PPP1R15A: variants seen among roughly 807,000 people sequenced by gnomAD.
The protein encoded by PPP1R15A is protein phosphatase 1 regulatory subunit 15A.
A neutral mutation model predicts 48.5 loss-of-function variants in PPP1R15A; 43 were observed. The observed-to-expected ratio is 0.89, with a 90% CI of 0.69 to 1.14. The LOEUF (loss-of-function observed/expected upper bound fraction) is 1.14, where lower values mean the gene tolerates loss of function less well. PPP1R15A is among the 50% of genes most tolerant of loss of function. PPP1R15A has a pLI of 0.00. For synonymous variants in PPP1R15A, 327 were observed against 327.4 expected (o/e 1.00, Z 0.01); for missense variants, 868 against 847.2 (o/e 1.02, Z -0.30).
Position 48,874,058 on chromosome 19 carries a change from A to G in PPP1R15A, c.825A>G (p.Ala275=), listed in dbSNP as rs187493181. The change falls in exon 2 of 3, where the codon GCA becomes GCG. Residue 275 remains alanine (A), a synonymous_variant. Coordinates refer to ENST00000200453, the MANE Select transcript of PPP1R15A (RefSeq NM_014330.5). ...GEASEEKEEK[A]HKETGKGEAA... ...CGTCCGAGGAGAAGGAGGAAAAGGC[A>G]CACAAAGAAACTGGGAAAGGAGAAG... 2 of 1,614,202 alleles carry G rather than the reference A, an allele frequency of 1.2e-6. No individual in the cohort carries two copies. The highest frequency in any genetic ancestry group is 4.5e-5 in the East Asian group (2 of 44,884).
chr19:48,875,594 G>A lies in PPP1R15A; in HGVS notation c.1666-20G>A, dbSNP rs1187193404. On this transcript the variant is annotated intron_variant, in intron 2 of 2. Coordinates refer to ENST00000200453, the MANE Select transcript of PPP1R15A (RefSeq NM_014330.5). ...GTGGCTGTGTGCATCTCCTGCCTGT[G>A]TCCCCATGTCTGCCCGCAGGTGCGC... The A allele has an allele frequency of 1.3e-6, 2 of 1,569,684 alleles. No individual in the cohort carries two copies. The highest frequency in any genetic ancestry group is 1.1e-5 in the South Asian group (1 of 87,836).
At position 48,873,840 on chromosome 19, in the gene PPP1R15A, G is replaced by A. The variant is rs769644424; in HGVS notation, c.607G>A (p.Ala203Thr). 1.9e-6 allele frequency: 3 copies of A among 1,614,170 alleles called. No individual in the cohort carries two copies. The change falls in exon 2 of 3, where the codon GCT becomes ACT. Residue 203 changes from alanine (A) to threonine (T), a missense_variant. Transcript: ENST00000200453. ...CGATGAAGAAGCTGTAAAGAAAGAA[G>A]CTCACAGAACCTCTACTTCTGCCTT... Reference protein sequence around the residue: ...EDDEEAVKKEAHRTSTSALSP... With the variant: ...EDDEEAVKKETHRTSTSALSP...
chr19:48,873,648 C>T lies in PPP1R15A; in HGVS notation c.415C>T (p.Arg139Cys), dbSNP rs137978264. The T allele has an allele frequency of 4.6e-4, 747 of 1,614,098 alleles. 2 individuals are homozygous for T. Among genetic ancestry groups the T allele is most frequent in the Middle Eastern group, 1.8e-3 (11 of 6,062 alleles). Reference protein sequence around the residue: ...GQGSQFADGQRAPLSPSLLIR... With the variant: ...GQGSQFADGQCAPLSPSLLIR... The stretch of plus-strand genomic sequence containing the variant: ...GGGAAGTCAATTTGCAGATGGCCAG[C>T]GTGCTCCCCTGTCTCCCAGCCTTCT... Residue 139 changes from arginine to cysteine, a missense_variant, in exon 2 of 3, where the codon CGT (arginine) becomes TGT (cysteine). By Grantham distance (180) the Arg-to-Cys change is radical. Transcript: ENST00000200453.
At chr19:48,875,407 G>A in intron 2 of PPP1R15A, 1 of 701,718 alleles carries the variant, frequency 1.4e-6, no homozygotes. Context: ...GTGGCTCACA[G>A]CAGCCCCAGG....
At position 48,873,400 on chromosome 19, in the gene PPP1R15A, T is replaced by C; in HGVS notation, c.167T>C (p.Val56Ala). 6.2e-7 allele frequency: 1 copy of C among 1,613,728 alleles called. No homozygotes were observed. ...LVEAVKGAAL[V>A]EAGLEGEART... is the part of the protein sequence containing the mutation. ...GAAGCAGTAAAAGGAGCAGCTCTGG[T>C]AGAAGCTGGCCTGGAGGGAGAAGCT... Residue 56 changes from valine to alanine, a missense_variant, in exon 2 of 3, where the codon GTA (valine) becomes GCA (alanine). Coordinates refer to ENST00000200453, the MANE Select transcript of PPP1R15A (RefSeq NM_014330.5).
rs1232132304 is a variant in PPP1R15A at position 48,873,281 on chromosome 19, C to T, written c.48C>T (p.Ala16=). 6.4e-6 allele frequency: 10 copies of T among 1,574,580 alleles called. No individual in the cohort carries two copies. Among genetic ancestry groups the T allele is most frequent in the South Asian group, 2.3e-5 (2 of 87,030 alleles). ...APHQATPWRD[A]HPFFLLSPVM... Reference sequence around the variant, plus strand: ...ATCAGGCTACCCCGTGGAGGGATGCCCACCCTTTCTTCCTCCTGTCCCCAG... The same window carrying T: ...ATCAGGCTACCCCGTGGAGGGATGCTCACCCTTTCTTCCTCCTGTCCCCAG... Residue 16 remains alanine (A), a synonymous_variant, in exon 2 of 3, where the codon GCC becomes GCT. Transcript: ENST00000200453.
Position 48,875,618 on chromosome 19 carries a change from G to C in PPP1R15A, c.1670G>C (p.Arg557Pro). ...TGTCCCCATGTCTGCCCGCAGGTGCGCTTCTCCGAGAAGGTCACTGTCCAT... is the reference window on the plus strand; with the variant it reads ...TGTCCCCATGTCTGCCCGCAGGTGCCCTTCTCCGAGAAGGTCACTGTCCAT... ...PETPLKARKVRFSEKVTVHFL... is the reference protein window; with the variant it reads ...PETPLKARKVPFSEKVTVHFL... The change falls in exon 3 of 3, where the codon CGC becomes CCC. Residue 557 changes from arginine (R) to proline (P), a missense_variant. Physicochemically the swap from Arg to Pro is moderately radical, Grantham distance 103. Transcript: ENST00000200453. 2 of 1,588,470 alleles carry C rather than the reference G, an allele frequency of 1.3e-6. No homozygotes were observed. The highest frequency in any genetic ancestry group is 1.1e-5 in the South Asian group (1 of 89,866).
rs1403350306 is a variant in PPP1R15A at position 48,872,761 on chromosome 19, GA to G, written c.-10+112del. 247 of 289,122 alleles carry G rather than the reference GA, an allele frequency of 8.5e-4. 4 individuals carry two copies. In the Admixed American group the frequency reaches 0.01, roughly 12 times the overall value. 17.9% of individuals were successfully genotyped at this position (289,122 alleles called of 1,614,324 possible). ...CTGAGCCTGAGGGAGGAGGGATCTG[GA>G]AGCCAGATTCTTGGGTCCCCCGTGA... is the stretch of plus-strand genomic sequence containing the variant. On this transcript the variant is annotated intron_variant, in intron 1 of 2. Coordinates refer to ENST00000200453, the MANE Select transcript of PPP1R15A (RefSeq NM_014330.5).
Position 48,875,844 on chromosome 19 carries a change from G to C in PPP1R15A, c.1896G>C (p.Gln632His). ...TAGCCCCCATCCCTGCCCTCACCCA[G>C]ACCTTGCCTTCCTCCTCTGTCCCTT... ...PPLAPIPALTQTLPSSSVPSS... is the reference protein window; with the variant it reads ...PPLAPIPALTHTLPSSSVPSS... The change falls in exon 3 of 3, where the codon CAG (glutamine) becomes CAC (histidine). Residue 632 changes from glutamine (Q) to histidine (H), a missense_variant. By Grantham distance (24) the Gln-to-His change is conservative. Coordinates refer to ENST00000200453, the MANE Select transcript of PPP1R15A (RefSeq NM_014330.5). 1 of 1,614,052 alleles carries C rather than the reference G, an allele frequency of 6.2e-7. No homozygotes were observed. The highest frequency in any genetic ancestry group is 8.5e-7 in the Non-Finnish European group (1 of 1,179,962).
Position 48,875,623 on chromosome 19 carries a change from T to C in PPP1R15A, c.1675T>C (p.Ser559Pro), listed in dbSNP as rs1207617982. ...TPLKARKVRFSEKVTVHFLAV... is the reference protein window; with the variant it reads ...TPLKARKVRFPEKVTVHFLAV... ...CCATGTCTGCCCGCAGGTGCGCTTC[T>C]CCGAGAAGGTCACTGTCCATTTCCT... The change falls in exon 3 of 3, where the codon TCC becomes CCC. Residue 559 changes from serine to proline, a missense_variant. Ser to Pro is a moderately conservative substitution (Grantham distance 74, BLOSUM62 -1). Coordinates refer to ENST00000200453, the MANE Select transcript of PPP1R15A (RefSeq NM_014330.5). The C allele has an allele frequency of 6.3e-7, 1 of 1,592,218 alleles. No individual in the cohort carries two copies. Among genetic ancestry groups the C allele is most frequent in the Non-Finnish European group, 8.6e-7 (1 of 1,167,952 alleles).
At position 48,872,651 on chromosome 19, in the gene PPP1R15A, G is replaced by T. The variant is rs995873796; in HGVS notation, c.-10G>T. ...CCGGGGTGACGCGCAGCTCCCAGCCGGTGAGTAAGGGGTCGGAACGCCTGG... is the reference window on the plus strand; with the variant it reads ...CCGGGGTGACGCGCAGCTCCCAGCCTGTGAGTAAGGGGTCGGAACGCCTGG... On this transcript the variant is annotated splice_region_variant and 5_prime_UTR_variant, in exon 1 of 3. Coordinates refer to ENST00000200453, the MANE Select transcript of PPP1R15A (RefSeq NM_014330.5). The T allele has an allele frequency of 8.3e-6, 3 of 361,090 alleles. No homozygotes were observed. The highest frequency in any genetic ancestry group is 4.3e-5 in the African/African-American group (2 of 47,044). The allele number at this position is 361,090 out of a possible 1,614,324, so 22.4% of individuals were successfully genotyped here. A position where few individuals can be genotyped will look rare whatever the true frequency, so the allele number is the denominator to read the frequency against.
chr19:48,872,516 T>C lies in PPP1R15A; in HGVS notation c.-145T>C, dbSNP rs2037020199. 2.2e-6 allele frequency: 1 copy of C among 456,280 alleles called. No homozygotes were observed. Among genetic ancestry groups the C allele is most frequent in the African/African-American group, 2.0e-5 (1 of 50,058 alleles). 28.3% of individuals were successfully genotyped at this position (456,280 alleles called of 1,614,324 possible). On this transcript the variant is annotated 5_prime_UTR_variant, in exon 1 of 3. Transcript: ENST00000200453. ...CCACGGCACTTGAGGCAGCCGGAGA[T>C]ACTCTGAGTTACTCGGAGCCCGACG...
rs754168098 is a variant in PPP1R15A, at chr19:48,874,790, G to T, written c.1557G>T (p.Pro519=). ...VAIYVPGEKP[P]PPWAPPRLPL... ...TCTATGTACCTGGAGAGAAGCCACC[G>T]CCTCCCTGGGCTCCTCCTAGGCTGC... Residue 519 remains proline, a synonymous_variant, in exon 2 of 3, where the codon CCG becomes CCT. Coordinates refer to ENST00000200453, the MANE Select transcript of PPP1R15A (RefSeq NM_014330.5). 1 of 1,613,998 alleles carries T rather than the reference G, an allele frequency of 6.2e-7. No homozygotes were observed. Among genetic ancestry groups the T allele is most frequent in the Admixed American group, 1.7e-5 (1 of 59,984 alleles).
rs201012471 is a variant in PPP1R15A, at chr19:48,875,732, G to C, written c.1784G>C (p.Arg595Pro). ...CGGGATCGCAGCCGCTTCGCACGCC[G>C]CATCACCCAGGCCCAGGAGGAGCTG... Reference protein sequence around the residue: ...LARDRSRFARRITQAQEELSP... With the variant: ...LARDRSRFARPITQAQEELSP... The change falls in exon 3 of 3, where the codon CGC becomes CCC. Residue 595 changes from arginine to proline, a missense_variant. Physicochemically the swap from Arg to Pro is moderately radical, Grantham distance 103. Transcript: ENST00000200453. The C allele has an allele frequency of 8.7e-6, 14 of 1,613,148 alleles. No individual in the cohort carries two copies. The East Asian group carries it at 2.9e-4, about 33-fold the overall frequency.
In PPP1R15A at chr19:48,872,478, C is replaced by T. The variant is rs1171518457; in HGVS notation, c.-183C>T. 1 of 456,502 alleles carries T rather than the reference C, an allele frequency of 2.2e-6. No homozygotes were observed. The highest frequency in any genetic ancestry group is 1.5e-5 in the South Asian group (1 of 64,554). The allele number at this position is 456,502 out of a possible 1,614,324, so 28.3% of individuals were successfully genotyped here. A position where few individuals can be genotyped will look rare whatever the true frequency, so the allele number is the denominator to read the frequency against. On this transcript the variant is annotated 5_prime_UTR_variant, in exon 1 of 3. Coordinates refer to ENST00000200453, the MANE Select transcript of PPP1R15A (RefSeq NM_014330.5). ...TTATGCAAGACGCTGCACGACCCCG[C>T]GCCCGCTTGTCGCCACGGCACTTGA... is the stretch of plus-strand genomic sequence containing the variant.
chr19:48,874,342 AG>A lies in PPP1R15A; in HGVS notation c.1112del (p.Gly371GlufsTer16). The A allele has an allele frequency of 1.2e-6, 2 of 1,613,648 alleles. No individual in the cohort carries two copies. The highest frequency in any genetic ancestry group is 2.2e-5 in the South Asian group (2 of 91,060). On this transcript the variant is annotated frameshift_variant, in exon 2 of 3. Coordinates refer to ENST00000200453, the MANE Select transcript of PPP1R15A (RefSeq NM_014330.5). LOFTEE classifies it high-confidence loss of function. ...EDSDSGSDEEEGEAEASSSTP... is the reference protein window; with the variant it reads ...EDSDSGSDEEXGEAEASSSTP... ...AGTGACTCTGGATCAGATGAGGAAG[AG>A]GGAGAAGCTGAGGCTTCCTCTTCCA...
At chr19:48,875,033 TCTCGTGCCTCAGC>T in intron 2 of PPP1R15A, 135 bp downstream of exon 2, 1 of 1,101,874 alleles carries the variant, frequency 9.1e-7, no homozygotes, top group Non-Finnish European at 1.2e-6. Context: ...TTCAGGCGAT[TCTCGTGCCTCAGC>T]CTCCAGAGTA....
At chr19:48,872,704 T>G (rs2037022595) in intron 1 of PPP1R15A, 53 bp downstream of exon 1, 2 of 327,082 alleles carry the variant, frequency 6.1e-6, no homozygotes, top group Non-Finnish European at 1.2e-5. Context: ...GGCCCGGATT[T>G]AGAAAGGAGA....
Position 48,875,429 on chromosome 19 carries a change from T to A in PPP1R15A, c.1666-185T>A, listed in dbSNP as rs1285838968. 8.6e-6 allele frequency: 7 copies of A among 810,670 alleles called. No individual in the cohort carries two copies. In the African/African-American group the frequency reaches 1.9e-4, roughly 22 times the overall value. 50.2% of individuals were successfully genotyped at this position (810,670 alleles called of 1,614,324 possible). On this transcript the variant is annotated intron_variant, in intron 2 of 2. Coordinates refer to ENST00000200453, the MANE Select transcript of PPP1R15A (RefSeq NM_014330.5). ...ACAGCAGCCCCAGGAAACCACCTCT[T>A]CCTTCAGTGAGTCAGATAGATAGAG...
Sources: gnomAD v4.1 joint callset for allele counts on GRCh38, gnomAD v4.1.1 for gene constraint, MANE v1.5 for transcripts, NCBI Gene and HGNC (gene_info 2026-07-23, HGNC 2026-07-21) for gene names.